CTNNA3: variants seen among roughly 807,000 people sequenced by gnomAD.
CTNNA3 encodes the protein catenin alpha 3.
CTNNA3 carries 76 observed loss-of-function variants against 95.7 expected under a neutral mutation model. The ratio of observed to expected loss-of-function variants is 0.79; its 90% CI spans 0.66 to 0.96. CTNNA3 has a LOEUF of 0.96. Among genes scored for constraint, CTNNA3 ranks in the 40% least tolerant of loss-of-function variants. CTNNA3 has a pLI of 0.00. For missense variants in CTNNA3, 1,191 were observed against 1,089.8 expected (o/e 1.09, Z -1.31); for synonymous variants, 431 against 374.4 (o/e 1.15, Z -1.74).
At chr10:67,673,886 T>C (rs1840488348) in intron 1 of CTNNA3, among the ~76,000 whole-genome samples, 1 of 150,348 alleles carries the variant, frequency 6.7e-6, no homozygotes, top group African/African-American at 2.4e-5. Context: ...AGTTTGTTCC[T>C]TTATTTTCCA....
chr10:66,678,142 G>A (rs2132492406), intron 9 of CTNNA3, among the ~76,000 whole-genome samples: 1 of 152,194 alleles, frequency 6.6e-6, no homozygotes, highest in African/African-American at 2.4e-5. Flanking sequence ...GCTTTCCCTT[G>A]TCACTGGTGA....
At chr10:66,294,105 T>C (rs1346423749) in intron 12 of CTNNA3, among the ~76,000 whole-genome samples, 3 of 152,232 alleles carry the variant, frequency 2.0e-5, no homozygotes, top group Admixed American at 2.0e-4. Context: ...ATCTTTGGAA[T>C]AGTTGCATAT....
At chr10:66,089,526 G>T (rs1337512152) in intron 14 of CTNNA3, among the ~76,000 whole-genome samples, 1 of 150,908 alleles carries the variant, frequency 6.6e-6, no homozygotes, top group Admixed American at 6.6e-5. Context: ...AATCTACTCT[G>T]GTTCGCCTTT....
rs1454666894 is a variant in CTNNA3 at position 66,966,501 on chromosome 10, T to A, written c.1048-190977A>T. On this transcript the variant is annotated intron_variant, in intron 7 of 17. Transcript: ENST00000433211. ...ATGTAATATATTTTTTTTTTCAGGA[T>A]ATACCTTTCAGATTATTCAAAGAAA... 4.1e-3 allele frequency among the ~76,000 whole-genome samples: 630 copies of A among 151,972 alleles called. 35 individuals carry two copies. The East Asian group carries it at 0.1, about 25-fold the overall frequency.
At chr10:66,440,014 G>A (rs2093364638) in intron 11 of CTNNA3, among the ~76,000 whole-genome samples, 1 of 151,968 alleles carries the variant, frequency 6.6e-6, no homozygotes, top group Non-Finnish European at 1.5e-5. Context: ...ATAACCTCAG[G>A]CAAGCTTCTT....
intron 13 of CTNNA3, among the ~76,000 whole-genome samples, chr10:66,132,905 G>C (rs1045676890): frequency 2.6e-5 from 4 of 152,124 alleles, no homozygotes; most frequent in African/African-American, 9.7e-5. Context: ...CCAAAGGGTG[G>C]ACGGTGGCAG....
At chr10:67,227,219 G>A (rs1191883200) in intron 5 of CTNNA3, among the ~76,000 whole-genome samples, 1 of 151,478 alleles carries the variant, frequency 6.6e-6, no homozygotes, top group Admixed American at 6.6e-5. Context: ...AGCCTCCCAA[G>A]TAGCTAGGAT....
intron 7 of CTNNA3, among the ~76,000 whole-genome samples, chr10:67,078,825 CT>C (rs1856881486): frequency 6.6e-6 from 1 of 152,074 alleles, no homozygotes; most frequent in African/African-American, 2.4e-5. Flanking sequence ...CCTCTGATGT[CT>C]TCTTAACATC....
intron 7 of CTNNA3, among the ~76,000 whole-genome samples, chr10:66,940,068 TG>T (rs1339360122): frequency 6.6e-6 from 1 of 152,190 alleles, no homozygotes; most frequent in Non-Finnish European, 1.5e-5. Flanking sequence ...AGTTAGGTTT[TG>T]TGTTTGTTTT....
chr10:67,283,393 G>A (rs1192720190), intron 5 of CTNNA3, among the ~76,000 whole-genome samples: 17 of 152,286 alleles, frequency 1.1e-4, no homozygotes, highest in Non-Finnish European at 2.9e-5. Context: ...CGCACCCTAA[G>A]AGGCAAAATG....
rs965200914 is a variant in CTNNA3 at position 66,367,480 on chromosome 10, A to G, written c.1732+11672T>C. The stretch of plus-strand genomic sequence containing the variant: ...AGTTGCAACATTACATATAATACAT[A>G]TATTTATATATAATATTGTAAATAT... On this transcript the variant is annotated intron_variant, in intron 12 of 17. Transcript: ENST00000433211. Among the ~76,000 whole-genome samples, 6 of 149,842 alleles carry G rather than the reference A, an allele frequency of 4.0e-5. No homozygotes were observed. In the South Asian group the frequency reaches 8.3e-4, roughly 21 times the overall value.
At chr10:66,405,188 T>A (rs1434404019) in intron 11 of CTNNA3, among the ~76,000 whole-genome samples, 1 of 152,006 alleles carries the variant, frequency 6.6e-6, no homozygotes, top group East Asian at 1.9e-4. Flanking sequence ...ATGTTTAGAG[T>A]CAAATAACCA....
chr10:67,173,390 G>A (rs973834779), intron 7 of CTNNA3, among the ~76,000 whole-genome samples: 6 of 152,134 alleles, frequency 3.9e-5, no homozygotes, highest in Admixed American at 2.6e-4. Context: ...GTTTCAATAT[G>A]AGACAATTCT....
chr10:67,112,861 A>T (rs1858980983), intron 7 of CTNNA3, among the ~76,000 whole-genome samples: 1 of 146,120 alleles, frequency 6.8e-6, no homozygotes, highest in Non-Finnish European at 1.5e-5. Flanking sequence ...CATCCATCAC[A>T]TTATGGAATA....
chr10:66,670,267 A>G (rs774015055), intron 9 of CTNNA3, among the ~76,000 whole-genome samples: 23 of 152,168 alleles, frequency 1.5e-4, no homozygotes, highest in Non-Finnish European at 3.4e-4. Flanking sequence ...GGCTGGGTTC[A>G]GCTGATTCCT....
At chr10:67,346,166 AT>A (rs1842407383) in intron 5 of CTNNA3, among the ~76,000 whole-genome samples, 1 of 152,090 alleles carries the variant, frequency 6.6e-6, no homozygotes, top group Admixed American at 6.5e-5. Flanking sequence ...TTTTGTTTCT[AT>A]TTATACCTTA....
At chr10:67,316,060 C>T (rs747943246) in intron 5 of CTNNA3, among the ~76,000 whole-genome samples, 9 of 152,040 alleles carry the variant, frequency 5.9e-5, no homozygotes, top group African/African-American at 9.7e-5. Context: ...ATTTGTAAAT[C>T]GGCTATATCA....
rs1044288301 is a variant in CTNNA3 at position 67,433,796 on chromosome 10, C to A, written c.579+88046G>T. 5.9e-5 allele frequency among the ~76,000 whole-genome samples: 9 copies of A among 152,172 alleles called. No individual in the cohort carries two copies. In the East Asian group the frequency reaches 1.7e-3, roughly 29 times the overall value. ...GCCATCATCATATATTCCTTAGACA[C>A]CACTTCGCACAATAGCTTTAAGTGG... is the stretch of plus-strand genomic sequence containing the variant. On this transcript the variant is annotated intron_variant, in intron 5 of 17. Coordinates refer to ENST00000433211, the MANE Select transcript of CTNNA3 (RefSeq NM_013266.4).
At chr10:66,350,601 G>C (rs2092559589) in intron 12 of CTNNA3, among the ~76,000 whole-genome samples, 1 of 130,744 alleles carries the variant, frequency 7.6e-6, no homozygotes, top group Admixed American at 8.0e-5. Flanking sequence ...AAATTGGAAA[G>C]GGGCTCCTGA....
Sources: gnomAD v4.1 joint callset for allele counts (sites outside exome capture counted in the v4.1 genomes callset) on GRCh38, gnomAD v4.1.1 for gene constraint, MANE v1.5 for transcripts, NCBI Gene and HGNC (gene_info 2026-07-23, HGNC 2026-07-21) for gene names.